ATP9A: variants seen among roughly 807,000 people sequenced by gnomAD.
ATP9A encodes probable phospholipid-transporting ATPase IIA.
Under a neutral mutation model 144.1 loss-of-function variants are expected in ATP9A, and 52 were observed. That is an observed-to-expected ratio of 0.36 (90% CI 0.29 to 0.45). The LOEUF is 0.45. Ranked by LOEUF, ATP9A falls within the 20% of genes least tolerant of loss-of-function variation. The pLI is 1.00. For missense variants in ATP9A, 947 were observed against 1,392.7 expected, an observed-to-expected ratio of 0.68 and a Z score of 5.09; for synonymous variants, 582 against 557.4, an observed-to-expected ratio of 1.04 and a Z score of -0.62.
At chr20:51,602,721 C>T (rs557270065) in intron 27 of ATP9A, among the ~76,000 whole-genome samples, 1 of 152,310 alleles carries the variant, frequency 6.6e-6, no homozygotes, top group South Asian at 2.1e-4. Context: ...AAAAGAGCCG[C>T]GATCAAAGAT....
intron 15 of ATP9A, among the ~76,000 whole-genome samples, chr20:51,631,009 C>G (rs6021331): frequency 6.6e-6 from 1 of 152,030 alleles, no homozygotes; most frequent in Non-Finnish European, 1.5e-5. Context: ...TCTGTCTGTT[C>G]GGCTCCCCCA....
Position 51,657,633 on chromosome 20 carries a change from T to C in ATP9A, c.1294-483A>G, listed in dbSNP as rs562703000. On this transcript the variant is annotated intron_variant, in intron 13 of 27. Transcript: ENST00000338821. The stretch of plus-strand genomic sequence containing the variant: ...AGTTGTGACAAGATATGTCACCAAA[T>C]GTCCAATAGAGGCCAAAATCACCCT... Among the ~76,000 whole-genome samples the C allele has an allele frequency of 9.2e-5, 14 of 152,342 alleles. No individual in the cohort carries two copies. In the South Asian group the frequency reaches 1.2e-3, roughly 14 times the overall value.
intron 4 of ATP9A, 82 bp from the exon 5 acceptor site, chr20:51,697,564 A>G: frequency 1.6e-6 from 2 of 1,277,964 alleles, no homozygotes; most frequent in South Asian, 2.5e-5. Context: ...CCAGCCTGCA[A>G]ACACACAATA....
chr20:51,712,125 T>C (rs966384822), intron 4 of ATP9A, among the ~76,000 whole-genome samples: 4 of 146,274 alleles, frequency 2.7e-5, no homozygotes, highest in African/African-American at 7.7e-5. Flanking sequence ...CAGGCTGGAG[T>C]GCAGTGGCGC....
chr20:51,763,605 A>G (rs368917565), intron 1 of ATP9A, among the ~76,000 whole-genome samples: 55 of 152,130 alleles, frequency 3.6e-4, no homozygotes, highest in Non-Finnish European at 6.3e-4. Context: ...GAGCCACCGC[A>G]CCTGGCCAGT....
At chr20:51,612,979 C>G (rs1055110598) in intron 23 of ATP9A, among the ~76,000 whole-genome samples, 4 of 152,154 alleles carry the variant, frequency 2.6e-5, no homozygotes, top group Non-Finnish European at 5.9e-5. Context: ...ACGAGTGTAT[C>G]AAGAAGGTAC....
intron 9 of ATP9A, among the ~76,000 whole-genome samples, chr20:51,687,961 C>T (rs2077530868): frequency 6.6e-6 from 1 of 152,130 alleles, no homozygotes; most frequent in Non-Finnish European, 1.5e-5. Flanking sequence ...TTAATGATAT[C>T]ACGAAATGTA....
At chr20:51,649,912 CAAAAA>C (rs3029336) in intron 14 of ATP9A, among the ~76,000 whole-genome samples, 1 of 107,738 alleles carries the variant, frequency 9.3e-6, no homozygotes, top group South Asian at 2.9e-4. Flanking sequence ...GAATCCGTCT[CAAAAA>C]AAAAAAAAAA....
chr20:51,763,652 T>C (rs1568852039), intron 1 of ATP9A, among the ~76,000 whole-genome samples: 2 of 152,174 alleles, frequency 1.3e-5, no homozygotes, highest in South Asian at 2.1e-4. Context: ...ATATAAATTA[T>C]ACTTCAATAA....
chr20:51,679,642 G>A lies in ATP9A; in HGVS notation c.800-3434C>T, dbSNP rs1418162190. On this transcript the variant is annotated intron_variant, in intron 9 of 27. Coordinates refer to ENST00000338821, the MANE Select transcript of ATP9A (RefSeq NM_006045.3). ...CACTCCCACCCTCTGCAGCCTGCAG[G>A]CCACGCAGCCCTTTCCATTCTCCCA... Among the ~76,000 whole-genome samples, 9 of 152,172 alleles carry A rather than the reference G, an allele frequency of 5.9e-5. No individual in the cohort carries two copies. In the East Asian group the frequency reaches 1.7e-3, roughly 29 times the overall value.
chr20:51,766,547 T>G (rs1476352995), intron 1 of ATP9A, among the ~76,000 whole-genome samples: 2 of 152,134 alleles, frequency 1.3e-5, no homozygotes, highest in Non-Finnish European at 2.9e-5. Context: ...ATTGTCATCA[T>G]TAAAACGAAG....
rs928622296 is a variant in ATP9A at position 51,690,390 on chromosome 20, A to T, written c.723+349T>A. Among the ~76,000 whole-genome samples, 16 of 152,302 alleles carry T rather than the reference A, an allele frequency of 1.1e-4. 1 individual carries two copies. The highest frequency in any genetic ancestry group is 5.9e-4 in the Admixed American group (9 of 15,292). The stretch of plus-strand genomic sequence containing the variant: ...AGCCGAGATGGTGCCACTGGACTCC[A>T]GCCTGGGCAACAGAGCAAGACTCCA... On this transcript the variant is annotated intron_variant, in intron 8 of 27. Transcript: ENST00000338821.
rs1429308006 is a variant in ATP9A, at chr20:51,639,367, G to A, written c.1644C>T (p.Ser548=). 1 of 1,613,850 alleles carries A rather than the reference G, an allele frequency of 6.2e-7. No individual in the cohort carries two copies. The highest frequency in any genetic ancestry group is 1.7e-5 in the Admixed American group (1 of 59,964). The change falls in exon 15 of 28, where the codon AGC becomes AGT. Residue 548 remains serine, a synonymous_variant. Coordinates refer to ENST00000338821, the MANE Select transcript of ATP9A (RefSeq NM_006045.3). ...CCCGCACGATGATGCCCATACGTTT[G>A]CTTTCATAGGTGAAAGGGAAGATCT... ...ILQIFPFTYE[S]KRMGIIVRDE... is the part of the protein sequence containing the mutation.
chr20:51,650,645 C>T (rs1442292383), intron 14 of ATP9A, among the ~76,000 whole-genome samples: 2 of 151,970 alleles, frequency 1.3e-5, no homozygotes, highest in South Asian at 2.1e-4. Context: ...TTAATAACAG[C>T]GGGTGTCGCA....
At chr20:51,664,525 C>A (rs1249385740) in intron 13 of ATP9A, among the ~76,000 whole-genome samples, 1 of 151,976 alleles carries the variant, frequency 6.6e-6, no homozygotes, top group East Asian at 1.9e-4. Context: ...GGGGTCAAGG[C>A]TACAGTGAGC....
chr20:51,639,573 A>T, intron 14 of ATP9A, 69 bp from the exon 15 acceptor site: 1 of 1,478,676 alleles, frequency 6.8e-7, no homozygotes, highest in Admixed American at 2.2e-5. Flanking sequence ...TGTGCTATGA[A>T]CACAAAGGCA....
At chr20:51,652,232 T>G (rs2077369564) in intron 14 of ATP9A, among the ~76,000 whole-genome samples, 1 of 152,204 alleles carries the variant, frequency 6.6e-6, no homozygotes, top group East Asian at 1.9e-4. Context: ...ATTTCCTCCG[T>G]GACTTACTGT....
intron 1 of ATP9A, among the ~76,000 whole-genome samples, chr20:51,755,529 C>T (rs1417746381): frequency 6.6e-6 from 1 of 152,088 alleles, no homozygotes; most frequent in African/African-American, 2.4e-5. Context: ...TTGATGAGGA[C>T]ATGGAACAAC....
chr20:51,674,353 G>A (rs772917296), intron 10 of ATP9A, 40 bp from the exon 11 acceptor site: 7 of 1,602,898 alleles, frequency 4.4e-6, no homozygotes, highest in African/African-American at 2.7e-5. Context: ...AGATGAGCTG[G>A]TGTAACTAAT....
Sources: allele counts gnomAD v4.1 joint callset (sites outside exome capture counted in the v4.1 genomes callset), GRCh38; gene constraint gnomAD v4.1.1; transcripts MANE v1.5; gene names NCBI Gene and HGNC (gene_info 2026-07-23, HGNC 2026-07-21).